The following SGK3 variants were observed in gnomAD, a reference collection of about 807,000 sequenced individuals.
SGK3 encodes the protein serine/threonine-protein kinase Sgk3.
In SGK3, 47 loss-of-function variants were observed where a neutral mutation model predicts 68.5. The ratio of observed to expected loss-of-function variants is 0.69; its 90% CI spans 0.54 to 0.87. The LOEUF (loss-of-function observed/expected upper bound fraction) is 0.87, where lower values mean the gene tolerates loss of function less well. SGK3 is among the 40% of genes least tolerant of loss of function. The pLI is 0.00. For missense variants in SGK3, 479 were observed against 575.5 expected (o/e 0.83, Z 1.72); for synonymous variants, 181 against 189.1 (o/e 0.96, Z 0.35).
intron 1 of SGK3, among the ~76,000 whole-genome samples, chr8:66,787,240 C>G (rs774716411): frequency 9.9e-5 from 15 of 152,068 alleles, no homozygotes; most frequent in African/African-American, 3.6e-4. Context: ...CTGTGCCCAG[C>G]CTTCACTTTG....
intron 1 of SGK3, among the ~76,000 whole-genome samples, chr8:66,772,560 A>ATTTT (rs1251463218): frequency 8.1e-6 from 1 of 124,172 alleles, no homozygotes. Flanking sequence ...ACACCTGGCT[A>ATTTT]TTTTTTTTTT....
chr8:66,734,944 C>CAAGAA (rs1554592684), intron 1 of SGK3, among the ~76,000 whole-genome samples: 1 of 91,174 alleles, frequency 1.1e-5, no homozygotes, highest in African/African-American at 3.6e-5. Flanking sequence ...GGCTCCATCT[C>CAAGAA]AAAAAAAAAA....
intron 16 of SGK3, among the ~76,000 whole-genome samples, chr8:66,856,847 C>CTTT (rs1337503837): frequency 2.0e-5 from 3 of 152,154 alleles, no homozygotes; most frequent in African/African-American, 7.2e-5. Flanking sequence ...AATCCAAGCA[C>CTTT]TTTGAGAGGC....
At chr8:66,809,624 G>A (rs534819349) in intron 4 of SGK3, among the ~76,000 whole-genome samples, 86 of 152,180 alleles carry the variant, frequency 5.7e-4, no homozygotes, top group African/African-American at 2.0e-3. Context: ...AAAAAATCAA[G>A]GATTTATCTT....
chr8:66,779,943 T>G (rs899560554), intron 1 of SGK3, among the ~76,000 whole-genome samples: 5 of 152,106 alleles, frequency 3.3e-5, no homozygotes, highest in African/African-American at 1.2e-4. Flanking sequence ...TTTATCACAC[T>G]GCATAAGCAT....
chr8:66,782,082 G>C (rs979460807), intron 1 of SGK3, among the ~76,000 whole-genome samples: 1 of 152,164 alleles, frequency 6.6e-6, no homozygotes, highest in Non-Finnish European at 1.5e-5. Context: ...GATGTATTTG[G>C]AGCTAGTATC....
intron 16 of SGK3, among the ~76,000 whole-genome samples, chr8:66,851,924 CTTA>C (rs1460362528): frequency 6.6e-6 from 1 of 152,112 alleles, no homozygotes; most frequent in Non-Finnish European, 1.5e-5. Flanking sequence ...TACTGTTTTT[CTTA>C]TTACACATTT....
chr8:66,799,080 G>A (rs1437392995), intron 3 of SGK3, among the ~76,000 whole-genome samples: 1 of 152,196 alleles, frequency 6.6e-6, no homozygotes, highest in African/African-American at 2.4e-5. Context: ...AATGAGTGTT[G>A]ACTTTTAGAG....
At chr8:66,725,489 A>AT (rs990533653) in intron 1 of SGK3, among the ~76,000 whole-genome samples, 344 of 146,692 alleles carry the variant, frequency 2.3e-3, no homozygotes, top group Admixed American at 3.7e-3. Flanking sequence ...ACTTCTCACT[A>AT]TTTTTTTTTT....
chr8:66,858,694 G>A (rs1810625135), intron 16 of SGK3, among the ~76,000 whole-genome samples: 1 of 152,162 alleles, frequency 6.6e-6, no homozygotes, highest in Admixed American at 6.5e-5. Flanking sequence ...TCAGTGCACA[G>A]TCTGTGGGCT....
chr8:66,835,969 T>C lies in SGK3; in HGVS notation c.636T>C (p.Asn212=), dbSNP rs1189910065. Residue 212 remains asparagine (N), a synonymous_variant, in exon 10 of 17, where the codon AAT becomes AAC. Coordinates refer to ENST00000521198, the MANE Select transcript of SGK3 (RefSeq NM_001033578.3). ...AAAAACATATTATGGCTGAACGTAA[T>C]GTGCTCTTGAAAAATGTGAAACATC... The part of the protein sequence containing the change: ...KEQKHIMAER[N]VLLKNVKHPF... The C allele has an allele frequency of 6.2e-6, 10 of 1,613,858 alleles. No homozygotes were observed. Among genetic ancestry groups the C allele is most frequent in the South Asian group, 1.1e-5 (1 of 91,068 alleles).
Position 66,840,352 on chromosome 8 carries a change from A to G in SGK3, c.891+105A>G, listed in dbSNP as rs149824016. On this transcript the variant is annotated intron_variant, in intron 12 of 16. Transcript: ENST00000521198. Reference sequence around the variant, plus strand: ...GATTCTGTACTGCGTTATTTTATTTATATAACATTCTCAAAATGACAAAAC... The same window carrying G: ...GATTCTGTACTGCGTTATTTTATTTGTATAACATTCTCAAAATGACAAAAC... 4.2e-5 allele frequency: 47 copies of G among 1,122,096 alleles called. No homozygotes were observed. The African/African-American group carries it at 6.0e-4, about 14-fold the overall frequency. 69.5% of individuals were successfully genotyped at this position (1,122,096 alleles called of 1,614,324 possible). A position where few individuals can be genotyped will look rare whatever the true frequency, so the allele number is the denominator to read the frequency against.
intron 7 of SGK3, among the ~76,000 whole-genome samples, chr8:66,830,395 T>G (rs902157856): frequency 6.6e-6 from 1 of 152,246 alleles, no homozygotes; most frequent in Non-Finnish European, 1.5e-5. Context: ...CACTAGTCTT[T>G]ACCTGTCATT....
intron 2 of SGK3, among the ~76,000 whole-genome samples, chr8:66,796,271 G>A (rs1807680470): frequency 6.7e-6 from 1 of 150,126 alleles, no homozygotes; most frequent in Non-Finnish European, 1.5e-5. Context: ...CAAGTAGCTG[G>A]GACTACAGAT....
intron 16 of SGK3, 111 bp from the exon 17 acceptor site, chr8:66,859,300 T>G: frequency 7.0e-6 from 9 of 1,291,242 alleles, no homozygotes; most frequent in Non-Finnish European, 9.0e-6. Context: ...GCCACTGGCA[T>G]GCCAGCCCAG....
chr8:66,765,480 C>A (rs1806287316), intron 1 of SGK3, among the ~76,000 whole-genome samples: 1 of 152,070 alleles, frequency 6.6e-6, no homozygotes, highest in Admixed American at 6.6e-5. Flanking sequence ...ATGTGATTTG[C>A]AAATATTTTC....
intron 1 of SGK3, among the ~76,000 whole-genome samples, chr8:66,743,512 A>C (rs965240860): frequency 2.0e-5 from 3 of 152,154 alleles, no homozygotes; most frequent in African/African-American, 7.2e-5. Context: ...CACTATGTTC[A>C]TTGTTAAGTG....
chr8:66,721,187 T>G (rs1804784642), intron 1 of SGK3, among the ~76,000 whole-genome samples: 1 of 152,182 alleles, frequency 6.6e-6, no homozygotes, highest in Admixed American at 6.5e-5. Context: ...AAGCCACCAG[T>G]CTTTCCAGAT....
intron 1 of SGK3, among the ~76,000 whole-genome samples, chr8:66,743,983 C>G (rs536384572): frequency 1.3e-5 from 2 of 152,306 alleles, no homozygotes; most frequent in African/African-American, 4.8e-5. Context: ...TGCTGCTGCA[C>G]AGTTGTCATC....
Sources: gnomAD v4.1 joint callset for allele counts (sites outside exome capture counted in the v4.1 genomes callset) on GRCh38, gnomAD v4.1.1 for gene constraint, MANE v1.5 for transcripts, NCBI Gene and HGNC (gene_info 2026-07-23, HGNC 2026-07-21) for gene names.